The following ZBTB20 variants were observed in gnomAD, a reference collection of about 807,000 sequenced individuals.
The protein encoded by ZBTB20 is zinc finger and BTB domain-containing protein 20.
ZBTB20 carries 9 observed loss-of-function variants against 56.9 expected under a neutral mutation model. The observed-to-expected ratio is 0.16, with a 90% CI of 0.10 to 0.28. ZBTB20 has a LOEUF of 0.28. Ranked by LOEUF, ZBTB20 falls within the 10% of genes least tolerant of loss-of-function variation. The probability of loss-of-function intolerance (pLI) is 1.00; values close to 1 mark genes in which losing one functional copy is unlikely to be tolerated. For missense variants in ZBTB20, 655 were observed against 1,003.0 expected, an observed-to-expected ratio of 0.65 and a Z score of 4.69; for synonymous variants, 417 against 420.7, an observed-to-expected ratio of 0.99 and a Z score of 0.11.
chr3:114,682,076 T>C (rs1421872966), intron 6 of ZBTB20, among the ~76,000 whole-genome samples: 1 of 152,172 alleles, frequency 6.6e-6, no homozygotes, highest in African/African-American at 2.4e-5. Flanking sequence ...ACATCTGATT[T>C]AAATTTCACA....
intron 6 of ZBTB20, among the ~76,000 whole-genome samples, chr3:114,631,379 A>ATTTTT (rs1479430066): frequency 4.0e-4 from 9 of 22,368 alleles, no homozygotes; most frequent in South Asian, 1.7e-3. Flanking sequence ...TAAATAGGTT[A>ATTTTT]TTCTTTTTTT....
At position 115,055,630 on chromosome 3, in the gene ZBTB20, G is replaced by A. The variant is rs868778726; in HGVS notation, c.-507+15589C>T. ...TAGAGATATAAATATCTAACATATC[G>A]CATTGTTGTAAAGATAAAGAATATA... On this transcript the variant is annotated intron_variant, in intron 2 of 11. Transcript: ENST00000675478. Among the ~76,000 whole-genome samples, 6 of 151,966 alleles carry A rather than the reference G, an allele frequency of 3.9e-5. No homozygotes were observed. The South Asian group carries it at 6.2e-4, about 16-fold the overall frequency.
At chr3:114,505,491 T>C (rs2044496551) in intron 6 of ZBTB20, among the ~76,000 whole-genome samples, 1 of 152,278 alleles carries the variant, frequency 6.6e-6, no homozygotes, top group African/African-American at 2.4e-5. Context: ...CTTATCCTTC[T>C]AGCTGAAGAG....
At chr3:114,673,154 T>A (rs1298758960) in intron 6 of ZBTB20, among the ~76,000 whole-genome samples, 1 of 152,126 alleles carries the variant, frequency 6.6e-6, no homozygotes, top group African/African-American at 2.4e-5. Flanking sequence ...AGCACCAAAG[T>A]AAGGACAGCG....
At chr3:114,811,987 G>C (rs767931964) in intron 4 of ZBTB20, among the ~76,000 whole-genome samples, 13 of 152,170 alleles carry the variant, frequency 8.5e-5, no homozygotes, top group Admixed American at 2.6e-4. Flanking sequence ...GGATGTGTTC[G>C]GAGTTTCTGC....
chr3:114,576,371 G>C (rs1477107486), intron 6 of ZBTB20, among the ~76,000 whole-genome samples: 1 of 150,892 alleles, frequency 6.6e-6, no homozygotes, highest in Admixed American at 6.6e-5. Context: ...GCGTGGTGGC[G>C]GGCGCCTGTA....
chr3:114,919,254 G>C (rs1387902968), intron 3 of ZBTB20, among the ~76,000 whole-genome samples: 1 of 152,170 alleles, frequency 6.6e-6, no homozygotes, highest in Non-Finnish European at 1.5e-5. Context: ...GTTGTTATCA[G>C]TTTAAATTTG....
intron 7 of ZBTB20, among the ~76,000 whole-genome samples, chr3:114,460,299 C>T (rs191052658): frequency 6.6e-6 from 1 of 152,052 alleles, no homozygotes; most frequent in African/African-American, 2.4e-5. Flanking sequence ...ATGGCCCCCC[C>T]CAAAAGATAT....
rs140661959 is a variant in ZBTB20, at chr3:114,442,596, C to G, written c.-254-53491G>C. Among the ~76,000 whole-genome samples the G allele has an allele frequency of 9.2e-5, 14 of 152,274 alleles. No individual in the cohort carries two copies. The East Asian group carries it at 2.7e-3, about 29-fold the overall frequency. Reference sequence around the variant, plus strand: ...CAGTTCTACTAAATGTGACCTTGTTCCCCTCACAAATACCAGCTTATTCTC... The same window carrying G: ...CAGTTCTACTAAATGTGACCTTGTTGCCCTCACAAATACCAGCTTATTCTC... On this transcript the variant is annotated intron_variant, in intron 7 of 11. Coordinates refer to ENST00000675478, the MANE Select transcript of ZBTB20 (RefSeq NM_001348800.3).
At chr3:114,627,829 T>C (rs1363533944) in intron 6 of ZBTB20, among the ~76,000 whole-genome samples, 1 of 152,192 alleles carries the variant, frequency 6.6e-6, no homozygotes, top group Non-Finnish European at 1.5e-5. Flanking sequence ...TCTAAATTCA[T>C]CTTTTCTTTC....
chr3:114,449,191 T>C (rs1298985628), intron 7 of ZBTB20, among the ~76,000 whole-genome samples: 4 of 152,194 alleles, frequency 2.6e-5, no homozygotes, highest in South Asian at 2.1e-4. Context: ...AAATAATCCA[T>C]TTGCATTTAT....
intron 4 of ZBTB20, among the ~76,000 whole-genome samples, chr3:114,856,221 AC>A (rs1470767060): frequency 1.1e-4 from 17 of 152,252 alleles, no homozygotes; most frequent in Non-Finnish European, 1.3e-4. Flanking sequence ...ATGGTCCTTT[AC>A]CACCTACAAA....
chr3:114,657,497 A>C (rs1469000060), intron 6 of ZBTB20, among the ~76,000 whole-genome samples: 3 of 152,206 alleles, frequency 2.0e-5, no homozygotes, highest in Admixed American at 1.3e-4. Context: ...TGCACAGTTT[A>C]TATCAGCCAG....
At chr3:114,698,592 TGAGAAA>T (rs926303940) in intron 5 of ZBTB20, among the ~76,000 whole-genome samples, 4 of 151,986 alleles carry the variant, frequency 2.6e-5, no homozygotes, top group African/African-American at 7.2e-5. Context: ...ACCACTAAGG[TGAGAAA>T]GAGAAAGAGA....
intron 5 of ZBTB20, among the ~76,000 whole-genome samples, chr3:114,702,343 G>T (rs2063446501): frequency 6.6e-6 from 1 of 152,152 alleles, no homozygotes; most frequent in African/African-American, 2.4e-5. Context: ...ACGAGACCCT[G>T]TCTCAAACCC....
intron 2 of ZBTB20, among the ~76,000 whole-genome samples, chr3:115,025,435 A>T (rs2080383817): frequency 1.3e-5 from 2 of 151,258 alleles, no homozygotes; most frequent in Non-Finnish European, 3.0e-5. Flanking sequence ...TTATAATAGA[A>T]TGATTTATAT....
At chr3:114,585,237 G>A (rs1048393919) in intron 6 of ZBTB20, among the ~76,000 whole-genome samples, 9 of 152,246 alleles carry the variant, frequency 5.9e-5, no homozygotes, top group African/African-American at 1.9e-4. Flanking sequence ...AGAGAGGGCT[G>A]CTTAAATTTT....
chr3:114,686,663 A>G (rs1269290363), intron 6 of ZBTB20, among the ~76,000 whole-genome samples: 1 of 152,080 alleles, frequency 6.6e-6, no homozygotes, highest in African/African-American at 2.4e-5. Flanking sequence ...TTCATTTCCC[A>G]ACCTGTTTAT....
intron 4 of ZBTB20, among the ~76,000 whole-genome samples, chr3:114,802,976 T>C (rs887902706): frequency 2.0e-5 from 3 of 151,902 alleles, no homozygotes; most frequent in Non-Finnish European, 4.4e-5. Context: ...AATTGAACTA[T>C]CAGCTCAAAA....
Sources: gnomAD v4.1 joint callset for allele counts (sites outside exome capture counted in the v4.1 genomes callset) on GRCh38, gnomAD v4.1.1 for gene constraint, MANE v1.5 for transcripts, NCBI Gene and HGNC (gene_info 2026-07-23, HGNC 2026-07-21) for gene names.